The following MAPRE2 variants were observed in gnomAD, a reference collection of about 807,000 sequenced individuals.
The protein encoded by MAPRE2 is microtubule-associated protein RP/EB family member 2.
A neutral mutation model predicts 43.2 loss-of-function variants in MAPRE2; 13 were observed. The observed-to-expected ratio is 0.30, with a 90% confidence interval of 0.20 to 0.48. The LOEUF is 0.48. MAPRE2 is among the 20% of genes least tolerant of loss of function. The pLI, the probability that MAPRE2 is intolerant of heterozygous loss-of-function variation, is 0.99. For synonymous variants in MAPRE2, 135 were observed against 148.8 expected (o/e 0.91, Z 0.68); for missense variants, 161 against 400.2 (o/e 0.40, Z 5.10).
At chr18:35,077,253 A>G (rs200360688) in intron 2 of MAPRE2, among the ~76,000 whole-genome samples, 11 of 94,600 alleles carry the variant, frequency 1.2e-4, no homozygotes, top group East Asian at 8.6e-4. Flanking sequence ...GCGCGCGCAC[A>G]CACACACACA....
At chr18:35,021,868 C>T (rs943878813) in intron 2 of MAPRE2, among the ~76,000 whole-genome samples, 1 of 151,934 alleles carries the variant, frequency 6.6e-6, no homozygotes, top group African/African-American at 2.4e-5. Flanking sequence ...ATGTTGACCA[C>T]GATGAATTTA....
intron 1 of MAPRE2, among the ~76,000 whole-genome samples, chr18:35,063,266 G>A (rs1368245048): frequency 1.3e-5 from 2 of 152,040 alleles, no homozygotes; most frequent in Non-Finnish European, 2.9e-5. Flanking sequence ...ACCACGCCTG[G>A]CTAATTTTTT....
chr18:35,113,778 A>G (rs533067381), intron 4 of MAPRE2, among the ~76,000 whole-genome samples: 2 of 152,286 alleles, frequency 1.3e-5, no homozygotes, highest in South Asian at 4.1e-4. Flanking sequence ...CTGTAGTCCC[A>G]GCTACTCAGG....
chr18:35,078,944 G>A (rs1040863507), intron 2 of MAPRE2, among the ~76,000 whole-genome samples: 3 of 151,854 alleles, frequency 2.0e-5, no homozygotes, highest in Non-Finnish European at 2.9e-5. Context: ...GGAAAGAGCC[G>A]CCTGTTCTCT....
In MAPRE2 at chr18:35,007,553, T is replaced by A. The variant is rs28401537; in HGVS notation, c.-8+2000T>A. Among the ~76,000 whole-genome samples the A allele has an allele frequency of 7.4e-3, 1,125 of 152,378 alleles. 10 individuals are homozygous for A. Among genetic ancestry groups the A allele is most frequent in the African/African-American group, 0.025 (1,030 of 41,598 alleles). On this transcript the variant is annotated intron_variant, in intron 2 of 7. Coordinates refer to the MAPRE2 transcript ENST00000413393. Reference sequence around the variant, plus strand: ...AAGATAACACATAAAGAGATGGCCTTGGCTGTGTTCAGTAAAGCTATTTAC... The same window carrying A: ...AAGATAACACATAAAGAGATGGCCTAGGCTGTGTTCAGTAAAGCTATTTAC...
At chr18:35,088,243 G>GACCT (rs1241733138) in intron 2 of MAPRE2, among the ~76,000 whole-genome samples, 2 of 152,172 alleles carry the variant, frequency 1.3e-5, no homozygotes, top group African/African-American at 4.8e-5. Context: ...AGTAAGGGAG[G>GACCT]ACCTCTCTGA....
intron 1 of MAPRE2, among the ~76,000 whole-genome samples, chr18:35,069,662 A>T (rs575888): frequency 0.33 from 49,566 of 152,076 alleles, 10,942 homozygotes; most frequent in African/African-American, 0.61. Context: ...TATATACATA[A>T]ACATACATAT....
intron 6 of MAPRE2, among the ~76,000 whole-genome samples, chr18:35,139,006 G>T (rs518672): frequency 0.38 from 58,441 of 151,944 alleles, 13,922 homozygotes; most frequent in African/African-American, 0.66. Flanking sequence ...CCGAGAATCC[G>T]ATCCCTGACC....
At chr18:35,071,392 A>C (rs967436673) in intron 2 of MAPRE2, among the ~76,000 whole-genome samples, 6 of 152,188 alleles carry the variant, frequency 3.9e-5, no homozygotes, top group African/African-American at 1.2e-4. Flanking sequence ...AAAACAAAAC[A>C]AAACAAAAAA....
Position 35,067,974 on chromosome 18 carries a change from C to T in MAPRE2, c.123-2221C>T, listed in dbSNP as rs188314292. On this transcript the variant is annotated intron_variant, in intron 1 of 6. Transcript: ENST00000300249. ...AAAGCAGTAATTATGGTCACACTATCTGAGATTCCTATGCTGTGAGATTTT... is the reference window on the plus strand; with the variant it reads ...AAAGCAGTAATTATGGTCACACTATTTGAGATTCCTATGCTGTGAGATTTT... 1.2e-4 allele frequency among the ~76,000 whole-genome samples: 18 copies of T among 152,278 alleles called. No individual in the cohort carries two copies. The East Asian group carries it at 1.7e-3, about 15-fold the overall frequency.
At chr18:35,081,627 A>G (rs1449085282) in intron 2 of MAPRE2, among the ~76,000 whole-genome samples, 2 of 152,178 alleles carry the variant, frequency 1.3e-5, no homozygotes, top group African/African-American at 2.4e-5. Context: ...GAGAGTGGCC[A>G]TAAGTATGGA....
intron 2 of MAPRE2, among the ~76,000 whole-genome samples, chr18:35,089,648 A>G (rs113588766): frequency 1.5e-3 from 228 of 152,338 alleles, no homozygotes; most frequent in African/African-American, 4.2e-3. Context: ...AAAACGACAG[A>G]CAAGTGGTGA....
chr18:35,114,709 G>C (rs557652496), intron 4 of MAPRE2, among the ~76,000 whole-genome samples: 1 of 152,264 alleles, frequency 6.6e-6, no homozygotes, highest in Admixed American at 6.5e-5. Context: ...AGGAGGGCGA[G>C]GGTCTCCACT....
At chr18:35,003,319 C>T (rs1399892357) in intron 1 of MAPRE2, among the ~76,000 whole-genome samples, 1 of 152,146 alleles carries the variant, frequency 6.6e-6, no homozygotes, top group Non-Finnish European at 1.5e-5. Flanking sequence ...TTAGTGTGGA[C>T]ATACAGATGA....
intron 2 of MAPRE2, among the ~76,000 whole-genome samples, chr18:35,008,098 C>T (rs1421891395): frequency 6.6e-6 from 1 of 152,030 alleles, no homozygotes; most frequent in African/African-American, 2.4e-5. Context: ...CCTGAGATTC[C>T]TTTACTGGGT....
In MAPRE2 at chr18:35,002,691, C is replaced by T. The variant is rs1017877847; in HGVS notation, c.-69-2801C>T. ...GTTGTATACCATTTAATATTATTTG[C>T]TTTCCGTATATGTATATCCTCTTCA... On this transcript the variant is annotated intron_variant, in intron 1 of 7. Coordinates refer to the MAPRE2 transcript ENST00000413393. 2.0e-5 allele frequency among the ~76,000 whole-genome samples: 3 copies of T among 152,084 alleles called. No individual in the cohort carries two copies. The South Asian group carries it at 6.2e-4, about 32-fold the overall frequency.
At chr18:35,081,814 T>C (rs1464377082) in intron 2 of MAPRE2, among the ~76,000 whole-genome samples, 1 of 151,998 alleles carries the variant, frequency 6.6e-6, no homozygotes, top group Non-Finnish European at 1.5e-5. Context: ...CTCATACCAG[T>C]ATATTTTACC....
intron 2 of MAPRE2, among the ~76,000 whole-genome samples, chr18:35,093,569 G>A (rs927613770): frequency 1.3e-5 from 2 of 152,158 alleles, no homozygotes; most frequent in African/African-American, 2.4e-5. Flanking sequence ...AATACACAAC[G>A]AAATACTGTT....
At chr18:35,055,036 A>G (rs1260791771) in intron 1 of MAPRE2, among the ~76,000 whole-genome samples, 2 of 152,242 alleles carry the variant, frequency 1.3e-5, no homozygotes, top group Admixed American at 1.3e-4. Flanking sequence ...TACAAATATT[A>G]CATGTGAAGA....
Sources: allele counts gnomAD v4.1 joint callset (sites outside exome capture counted in the v4.1 genomes callset), GRCh38; gene constraint gnomAD v4.1.1; transcripts MANE v1.5; gene names NCBI Gene and HGNC (gene_info 2026-07-23, HGNC 2026-07-21).